The following MYO18B variants were observed in gnomAD, a reference collection of about 807,000 sequenced individuals.
MYO18B encodes the protein unconventional myosin-XVIIIb.
In MYO18B, 204 loss-of-function variants were observed where a neutral mutation model predicts 273.0. The observed-to-expected ratio is 0.75, with a 90% CI of 0.67 to 0.84. MYO18B has a LOEUF of 0.84. MYO18B is among the 40% of genes least tolerant of loss of function. The pLI is 0.00. For synonymous variants in MYO18B, 1,330 were observed against 1,305.7 expected (o/e 1.02, Z -0.40); for missense variants, 3,212 against 3,287.6 (o/e 0.98, Z 0.56).
chr22:25,875,517 T>A (rs1601429144), intron 23 of MYO18B, among the ~76,000 whole-genome samples: 1 of 148,756 alleles, frequency 6.7e-6, no homozygotes, highest in African/African-American at 2.5e-5. Context: ...CCCCCCCCAG[T>A]GATAAGAATG....
chr22:25,850,275 C>G (rs2090386082), intron 20 of MYO18B, among the ~76,000 whole-genome samples: 1 of 152,160 alleles, frequency 6.6e-6, no homozygotes, highest in African/African-American at 2.4e-5. Context: ...TGAGGCTCTT[C>G]TTGTACCCAG....
chr22:26,013,216 C>A (rs1157742174), intron 42 of MYO18B, among the ~76,000 whole-genome samples: 2 of 152,164 alleles, frequency 1.3e-5, no homozygotes, highest in African/African-American at 4.8e-5. Flanking sequence ...TGCACCACTA[C>A]CCATCTCAAC....
At chr22:25,906,396 G>A (rs1024613285) in intron 31 of MYO18B, among the ~76,000 whole-genome samples, 2 of 152,164 alleles carry the variant, frequency 1.3e-5, no homozygotes, top group Non-Finnish European at 2.9e-5. Context: ...TTTAAAGTGA[G>A]CCTACTTTAT....
chr22:26,027,362 G>A lies in MYO18B; in HGVS notation c.7388G>A (p.Gly2463Asp), dbSNP rs775279597. The change falls in exon 43 of 44, where the codon GGT becomes GAT. Residue 2463 changes from glycine to aspartate, a missense_variant. By Grantham distance (94) the Gly-to-Asp change is moderately conservative (BLOSUM62 -1). Transcript: ENST00000335473. This position sits in a 1 kb window ranked among gnomAD's most constrained non-coding sequence, Gnocchi z 4.1. ...TPTSLAGSAK[G>D]GQDGSQRSSI... Reference sequence around the variant, plus strand: ...ACCTCCTTGGCTGGATCAGCCAAAGGTGGGCAAGACGGTTCACAGCGTTCA... The same window carrying A: ...ACCTCCTTGGCTGGATCAGCCAAAGATGGGCAAGACGGTTCACAGCGTTCA... 6 of 1,613,990 alleles carry A rather than the reference G, an allele frequency of 3.7e-6. No individual in the cohort carries two copies. The Admixed American group carries it at 5.0e-5, about 13-fold the overall frequency.
intron 39 of MYO18B, among the ~76,000 whole-genome samples, chr22:25,971,994 C>G (rs1601722752): frequency 1.3e-5 from 2 of 151,888 alleles, no homozygotes; most frequent in East Asian, 3.9e-4. Flanking sequence ...CCATGTTGGC[C>G]AGGCTGGTCT....
intron 34 of MYO18B, among the ~76,000 whole-genome samples, chr22:25,938,172 T>C (rs545179491): frequency 3.3e-5 from 5 of 152,318 alleles, no homozygotes; most frequent in African/African-American, 1.2e-4. Flanking sequence ...GCCCAAAGAC[T>C]GGAATTTTTC....
the MYO18B span, among the ~76,000 whole-genome samples, chr22:26,047,814 C>G: frequency 6.6e-6 from 1 of 152,002 alleles, no homozygotes. Flanking sequence ...AATGTTAAAC[C>G]TATTCTGGCT....
chr22:25,850,313 A>C (rs867209231), intron 20 of MYO18B, among the ~76,000 whole-genome samples: 7 of 152,062 alleles, frequency 4.6e-5, no homozygotes, highest in African/African-American at 1.7e-4. Context: ...GAGACCTGGA[A>C]TTTGCGCTCA....
intron 16 of MYO18B, among the ~76,000 whole-genome samples, chr22:25,834,904 T>C (rs2089842160): frequency 6.6e-6 from 1 of 152,246 alleles, no homozygotes; most frequent in Non-Finnish European, 1.5e-5. Flanking sequence ...TTCTCGTTTG[T>C]GCACAAATAG....
the MYO18B span, among the ~76,000 whole-genome samples, chr22:26,060,240 C>T: frequency 5.9e-5 from 9 of 152,354 alleles, no homozygotes; most frequent in East Asian, 1.9e-4. Context: ...CTGCTTTGAA[C>T]TACAACAGAA....
At chr22:26,003,179 A>C (rs1569284889) in intron 40 of MYO18B, 86 bp from the exon 41 acceptor site, 2 of 1,239,020 alleles carry the variant, frequency 1.6e-6, no homozygotes, top group Admixed American at 2.0e-5. Context: ...TGGGATTCAC[A>C]CTCATGTCTG....
Position 25,876,624 on chromosome 22 carries a change from T to A in MYO18B, c.4224+292T>A, listed in dbSNP as rs1032374054. Among the ~76,000 whole-genome samples the A allele has an allele frequency of 4.1e-5, 5 of 121,654 alleles. No homozygotes were observed. In the Admixed American group the frequency reaches 4.6e-4, roughly 11 times the overall value. 79.8% of individuals were successfully genotyped at this position (121,654 alleles called of 152,430 possible). A position where few individuals can be genotyped will look rare whatever the true frequency, so the allele number is the denominator to read the frequency against. ...AGAGAAGCTCAATGGGCAGAGTCTT[T>A]GAGTCCTTTATTTATTTATTTATTT... On this transcript the variant is annotated intron_variant, in intron 24 of 43. Transcript: ENST00000335473.
chr22:25,919,668 G>T (rs2092312594), intron 33 of MYO18B, among the ~76,000 whole-genome samples: 1 of 136,710 alleles, frequency 7.3e-6, no homozygotes, highest in South Asian at 2.5e-4. Context: ...AGGTGAGATT[G>T]TGTGTGTGTA....
At chr22:25,941,522 T>C (rs2092644211) in intron 34 of MYO18B, among the ~76,000 whole-genome samples, 1 of 152,204 alleles carries the variant, frequency 6.6e-6, no homozygotes, top group Non-Finnish European at 1.5e-5. Context: ...CTGATCTCTG[T>C]CCTTAACATG....
At chr22:26,018,460 G>A (rs1373851686) in intron 42 of MYO18B, among the ~76,000 whole-genome samples, 1 of 152,086 alleles carries the variant, frequency 6.6e-6, no homozygotes, top group Non-Finnish European at 1.5e-5. Flanking sequence ...CTAGGGGTGG[G>A]GGAGCTTCCT....
chr22:25,965,429 G>A (rs2092967115), intron 39 of MYO18B, among the ~76,000 whole-genome samples: 1 of 152,142 alleles, frequency 6.6e-6, no homozygotes, highest in South Asian at 2.1e-4. Context: ...AGACCACCAG[G>A]AAAAAAGATC....
At position 26,026,451 on chromosome 22, in the gene MYO18B, C is replaced by T. The variant is rs551422380; in HGVS notation, c.6477C>T (p.Asn2159=). ...ATTTTTCTTCTTGGCACAGGATAAACGAAGAGGCTGGGGACACTGAGAGGA... is the reference window on the plus strand; with the variant it reads ...ATTTTTCTTCTTGGCACAGGATAAATGAAGAGGCTGGGGACACTGAGAGGA... ...TSSRILSPRI[N]EEAGDTERTQ... Residue 2159 remains asparagine, a synonymous_variant, in exon 43 of 44, where the codon AAC becomes AAT. Transcript: ENST00000335473. 4.4e-6 allele frequency: 7 copies of T among 1,605,182 alleles called. No individual in the cohort carries two copies. Among genetic ancestry groups the T allele is most frequent in the African/African-American group, 1.3e-5 (1 of 74,524 alleles).
intron 25 of MYO18B, among the ~76,000 whole-genome samples, chr22:25,882,993 C>T (rs954859284): frequency 2.0e-5 from 3 of 152,130 alleles, no homozygotes; most frequent in Non-Finnish European, 2.9e-5. Context: ...ACCTCCTGGG[C>T]TAAAGCGAAC....
chr22:26,034,334 C>T (rs1394676484), downstream of MYO18B, among the ~76,000 whole-genome samples: 1 of 152,234 alleles, frequency 6.6e-6, no homozygotes, highest in African/African-American at 2.4e-5. Flanking sequence ...CTGGCCTGGG[C>T]TTTGCCACTT....
Sources: gnomAD v4.1 joint callset for allele counts (sites outside exome capture counted in the v4.1 genomes callset) on GRCh38, gnomAD v4.1.1 for gene constraint, Gnocchi (gnomAD v3.1) non-coding constraint, MANE v1.5 for transcripts, NCBI Gene and HGNC (gene_info 2026-07-23, HGNC 2026-07-21) for gene names.